PIEZO2: variants seen among roughly 807,000 people sequenced by gnomAD.
The protein encoded by PIEZO2 is piezo type mechanosensitive ion channel component 2, also known as piezo-type mechanosensitive ion channel component 2.
A neutral mutation model predicts 337.3 loss-of-function variants in PIEZO2; 172 were observed. That is an observed-to-expected ratio of 0.51 (90% confidence interval 0.45 to 0.58). The LOEUF is 0.58. PIEZO2 is among the 20% of genes least tolerant of loss of function. The pLI is 0.00. For missense variants in PIEZO2, 3,028 were observed against 3,391.3 expected (o/e 0.89, Z 2.66); for synonymous variants, 1,251 against 1,228.5 (o/e 1.02, Z -0.38).
At chr18:10,723,613 G>C (rs914079932) in intron 36 of PIEZO2, among the ~76,000 whole-genome samples, 1 of 152,186 alleles carries the variant, frequency 6.6e-6, no homozygotes, top group Non-Finnish European at 1.5e-5. Flanking sequence ...ATGTAGGAGA[G>C]AGGAGAAATG....
chr18:10,801,453 A>G (rs2039812516), intron 9 of PIEZO2, 25 bp from the exon 10 acceptor site: 1 of 1,489,292 alleles, frequency 6.7e-7, no homozygotes, highest in Non-Finnish European at 9.1e-7. Flanking sequence ...GCGGGAAAGC[A>G]TGTTAGTAAG....
Position 10,750,700 on chromosome 18 carries a change from T to C in PIEZO2, c.4168-513A>G, listed in dbSNP as rs1003349810. On this transcript the variant is annotated intron_variant, in intron 28 of 55. Transcript: ENST00000674853. This position sits in a 1 kb window ranked among gnomAD's most constrained non-coding sequence, Gnocchi z 4.1. The stretch of plus-strand genomic sequence containing the variant: ...GGAGTATTTTTTGTAGATTGGCAGG[T>C]GGTTGTCTCATAACAATGAATTTTT... Among the ~76,000 whole-genome samples the C allele has an allele frequency of 1.3e-5, 2 of 152,176 alleles. No individual in the cohort carries two copies. The highest frequency in any genetic ancestry group is 2.4e-5 in the African/African-American group (1 of 41,436).
chr18:10,689,640 C>T lies in PIEZO2; in HGVS notation c.7497+15G>A. On this transcript the variant is annotated intron_variant, in intron 49 of 55. Coordinates refer to ENST00000674853, the MANE Select transcript of PIEZO2 (RefSeq NM_001378183.1). The stretch of plus-strand genomic sequence containing the variant: ...AGAAGCAGACAGGAATAAGGCACAT[C>T]TCCTGGCTTCTTACCTTCTCCGACT... 6.2e-7 allele frequency: 1 copy of T among 1,614,164 alleles called. No individual in the cohort carries two copies. The highest frequency in any genetic ancestry group is 8.5e-7 in the Non-Finnish European group (1 of 1,180,002).
At chr18:10,778,828 C>T (rs1598467839) in intron 18 of PIEZO2, among the ~76,000 whole-genome samples, 2 of 152,198 alleles carry the variant, frequency 1.3e-5, no homozygotes, top group African/African-American at 2.4e-5. Context: ...ATATAAGTCT[C>T]GTCCTTCGGG....
intron 4 of PIEZO2, among the ~76,000 whole-genome samples, chr18:10,900,960 G>A (rs936813593): frequency 6.6e-6 from 1 of 152,144 alleles, no homozygotes; most frequent in African/African-American, 2.4e-5. Context: ...TTAGTACTAT[G>A]CTCAATTCTT....
intron 2 of PIEZO2, among the ~76,000 whole-genome samples, chr18:11,042,560 C>T (rs1443968222): frequency 1.3e-5 from 2 of 152,310 alleles, no homozygotes; most frequent in East Asian, 3.9e-4. Flanking sequence ...GAGCTAGACT[C>T]GCTGTGGTGG....
rs1156731272 is a variant in PIEZO2, at chr18:11,003,745, C to G, written c.161-24085G>C. 6.6e-6 allele frequency among the ~76,000 whole-genome samples: 1 copy of G among 152,044 alleles called. No individual in the cohort carries two copies. Among genetic ancestry groups the G allele is most frequent in the Non-Finnish European group, 1.5e-5 (1 of 68,010 alleles). On this transcript the variant is annotated intron_variant, in intron 2 of 55. Coordinates refer to ENST00000674853, the MANE Select transcript of PIEZO2 (RefSeq NM_001378183.1). This position sits in a 1 kb window ranked among gnomAD's most constrained non-coding sequence, Gnocchi z 4.6. ...TTACCTAACATGTCCAGCTCTGGGA[C>G]GTGGGAGGAAACCAGAGTACCTAGA...
intron 2 of PIEZO2, among the ~76,000 whole-genome samples, chr18:11,011,641 T>C (rs2035907074): frequency 6.6e-6 from 1 of 152,214 alleles, no homozygotes; most frequent in Non-Finnish European, 1.5e-5. Context: ...TATCTATTTT[T>C]CTATCATATT....
chr18:10,799,138 T>C (rs1175184354), intron 11 of PIEZO2, among the ~76,000 whole-genome samples: 5 of 152,212 alleles, frequency 3.3e-5, no homozygotes, highest in Admixed American at 6.5e-5. Flanking sequence ...ATAAACCTGA[T>C]AAAGAGTTAT....
At chr18:11,079,190 C>CTTT (rs2038650298) in intron 1 of PIEZO2, among the ~76,000 whole-genome samples, 3 of 152,170 alleles carry the variant, frequency 2.0e-5, no homozygotes, top group African/African-American at 7.2e-5. Flanking sequence ...CCCATCGTTC[C>CTTT]ACCATATATT....
rs1235071755 is a variant in PIEZO2 at position 10,969,094 on chromosome 18, G to A, written c.286+10441C>T. On this transcript the variant is annotated intron_variant, in intron 3 of 55. Transcript: ENST00000674853. This position sits in a 1 kb window ranked among gnomAD's most constrained non-coding sequence, Gnocchi z 4.5. The stretch of plus-strand genomic sequence containing the variant: ...TTCTAGAATGTCATTACTATGCTTA[G>A]CCCAATTCTGCTGCTTTCAAATGCC... Among the ~76,000 whole-genome samples, 1 of 152,144 alleles carries A rather than the reference G, an allele frequency of 6.6e-6. No individual in the cohort carries two copies. The highest frequency in any genetic ancestry group is 2.4e-5 in the African/African-American group (1 of 41,440).
chr18:10,881,010 T>C (rs999118688), intron 4 of PIEZO2, among the ~76,000 whole-genome samples: 1 of 150,940 alleles, frequency 6.6e-6, no homozygotes, highest in Non-Finnish European at 1.5e-5. Flanking sequence ...AGGTTTAGAT[T>C]ACAAACTCTG....
In PIEZO2 at chr18:11,039,580, A is replaced by G. The variant is rs7233622; in HGVS notation, c.160+26547T>C. Among the ~76,000 whole-genome samples the G allele has an allele frequency of 5.4e-3, 823 of 152,140 alleles. 13 individuals carry two copies. The highest frequency in any genetic ancestry group is 0.019 in the African/African-American group (776 of 41,496). On this transcript the variant is annotated intron_variant, in intron 2 of 55. Transcript: ENST00000674853. ...TAACTATATGTGTCATATAACTAAC[A>G]TATATATATGATCCACATGTAATAG... is the stretch of plus-strand genomic sequence containing the variant.
At chr18:11,055,745 G>A (rs2037708637) in intron 2 of PIEZO2, among the ~76,000 whole-genome samples, 1 of 152,190 alleles carries the variant, frequency 6.6e-6, no homozygotes, top group African/African-American at 2.4e-5. Flanking sequence ...ACCAAAACAA[G>A]TGACACCCAG....
At chr18:10,714,323 T>C (rs1482048358) in intron 39 of PIEZO2, among the ~76,000 whole-genome samples, 1 of 152,196 alleles carries the variant, frequency 6.6e-6, no homozygotes, top group Non-Finnish European at 1.5e-5. Flanking sequence ...AGAATACTTT[T>C]TGGGAATTTT....
chr18:10,732,384 AG>A (rs2036823711), intron 35 of PIEZO2, among the ~76,000 whole-genome samples: 1 of 152,210 alleles, frequency 6.6e-6, no homozygotes, highest in South Asian at 2.1e-4. Flanking sequence ...GTTTTCTGGG[AG>A]CTCTTTAAAC....
intron 3 of PIEZO2, among the ~76,000 whole-genome samples, chr18:10,971,241 C>T (rs2034225306): frequency 6.6e-6 from 1 of 152,142 alleles, no homozygotes; most frequent in East Asian, 1.9e-4. Flanking sequence ...ATTAGACTAC[C>T]TATGTGTAAT....
chr18:10,699,031 C>A lies in PIEZO2; in HGVS notation c.6588G>T (p.Val2196=), dbSNP rs1352468083. ...TCTGCTGCTCCGGGAAGGTCACATGCACTGACTCCACAGACGCGGCCAGGT... is the reference window on the plus strand; with the variant it reads ...TCTGCTGCTCCGGGAAGGTCACATGAACTGACTCCACAGACGCGGCCAGGT... The part of the protein sequence containing the change: ...SINLAASVES[V]HVTFPEQQTA... Residue 2196 remains valine, a synonymous_variant, in exon 44 of 56, where the codon GTG becomes GTT. Transcript: ENST00000674853. 1 of 1,537,164 alleles carries A rather than the reference C, an allele frequency of 6.5e-7. No individual in the cohort carries two copies. Among genetic ancestry groups the A allele is most frequent in the East Asian group, 2.4e-5 (1 of 40,910 alleles).
At position 10,903,922 on chromosome 18, in the gene PIEZO2, C is replaced by T. The variant is rs1469348856; in HGVS notation, c.329+7264G>A. Among the ~76,000 whole-genome samples the T allele has an allele frequency of 6.6e-6, 1 of 152,222 alleles. No homozygotes were observed. Among genetic ancestry groups the T allele is most frequent in the Non-Finnish European group, 1.5e-5 (1 of 68,038 alleles). On this transcript the variant is annotated intron_variant, in intron 4 of 55. Coordinates refer to ENST00000674853, the MANE Select transcript of PIEZO2 (RefSeq NM_001378183.1). The surrounding 1 kb of genome is among the most constrained non-coding windows in gnomAD (Gnocchi z 4.1). ...AGCCAGGCCTTGCCTCAACCTCACA[C>T]ATTGACCTACTCCTTCTTCCACTTC...
Sources: gnomAD v4.1 joint callset for allele counts (sites outside exome capture counted in the v4.1 genomes callset) on GRCh38, gnomAD v4.1.1 for gene constraint, Gnocchi (gnomAD v3.1) non-coding constraint, MANE v1.5 for transcripts, NCBI Gene and HGNC (gene_info 2026-07-23, HGNC 2026-07-21) for gene names.